The following LARP1B variants were observed in gnomAD, a reference collection of about 807,000 sequenced individuals.
The protein encoded by LARP1B is la-related protein 1B.
In LARP1B, 76 loss-of-function variants were observed where a neutral mutation model predicts 114.2. The ratio of observed to expected loss-of-function variants is 0.67; its 90% CI spans 0.55 to 0.81. LARP1B has a LOEUF of 0.81. LARP1B is among the 30% of genes least tolerant of loss of function. The probability of loss-of-function intolerance (pLI) is 0.00; values close to 1 mark genes in which losing one functional copy is unlikely to be tolerated. For missense variants in LARP1B, 1,014 were observed against 1,075.8 expected (o/e 0.94, Z 0.80); for synonymous variants, 345 against 348.0 (o/e 0.99, Z 0.10).
At chr4:128,090,103 C>T (rs572322352) in intron 5 of LARP1B, among the ~76,000 whole-genome samples, 25 of 134,496 alleles carry the variant, frequency 1.9e-4, no homozygotes, top group African/African-American at 6.2e-4. Flanking sequence ...GAGGGAATCT[C>T]GCTCTGTAGC....
In LARP1B at chr4:128,079,247, A is replaced by C. The variant is rs1769255780; in HGVS notation, c.217+1285A>C. ...GTAGCTGGGATTACAGGCCCATGCT[A>C]CCATGCCCAGCTAACTTTTTGTATT... On this transcript the variant is annotated intron_variant, in intron 4 of 19. Coordinates refer to ENST00000326639, the MANE Select transcript of LARP1B (RefSeq NM_018078.4). Among the ~76,000 whole-genome samples the C allele has an allele frequency of 5.3e-5, 8 of 151,830 alleles. No homozygotes were observed. The South Asian group carries it at 1.7e-3, about 32-fold the overall frequency.
In LARP1B at chr4:128,123,103, G is replaced by C. The variant is rs1008164139; in HGVS notation, c.1524+915G>C. The C allele has an allele frequency of 5.1e-6, 5 of 985,408 alleles. No individual in the cohort carries two copies. The African/African-American group carries it at 7.0e-5, about 14-fold the overall frequency. The allele number at this position is 985,408 out of a possible 1,614,324, so 61.0% of individuals were successfully genotyped here. A position where few individuals can be genotyped will look rare whatever the true frequency, so the allele number is the denominator to read the frequency against. ...GCTGAGTAGAGGGGACTGCCTGTCG[G>C]TGGGGCTTCATATCATCAACAAGAA... On this transcript the variant is annotated intron_variant, in intron 11 of 19. Coordinates refer to ENST00000326639, the MANE Select transcript of LARP1B (RefSeq NM_018078.4).
At chr4:128,153,508 T>G (rs535339515) in intron 11 of LARP1B, among the ~76,000 whole-genome samples, 2 of 150,846 alleles carry the variant, frequency 1.3e-5, no homozygotes, top group Non-Finnish European at 1.5e-5. Flanking sequence ...GTTTCACCAT[T>G]TTGGCCAGGC....
rs1449693758 is a variant in LARP1B, at chr4:128,211,231, G to C, written c.*1178G>C. ...TAAAAGACCATTTTTTTGTGTGAAT[G>C]AAGTTTCAATTATAAACTTACATTC... On this transcript the variant is annotated 3_prime_UTR_variant, in exon 20 of 20. Coordinates refer to ENST00000326639, the MANE Select transcript of LARP1B (RefSeq NM_018078.4). 4 of 945,696 alleles carry C rather than the reference G, an allele frequency of 4.2e-6. No homozygotes were observed. Among genetic ancestry groups the C allele is most frequent in the Non-Finnish European group, 5.0e-6 (4 of 793,924 alleles). The allele number at this position is 945,696 out of a possible 1,614,324, so 58.6% of individuals were successfully genotyped here.
intron 19 of LARP1B, among the ~76,000 whole-genome samples, chr4:128,209,188 G>T (rs1578796778): frequency 6.6e-6 from 1 of 152,194 alleles, no homozygotes; most frequent in Non-Finnish European, 1.5e-5. Flanking sequence ...GGAGGCCGAG[G>T]CGGGTGGATC....
intron 5 of LARP1B, among the ~76,000 whole-genome samples, chr4:128,085,353 C>CTTT (rs35260726): frequency 0.013 from 1,080 of 85,756 alleles, 38 homozygotes; most frequent in Non-Finnish European, 0.018. Context: ...CCTTAGCTTC[C>CTTT]TTTTTTTTTT....
intron 12 of LARP1B, among the ~76,000 whole-genome samples, chr4:128,176,210 T>TAAATATATAAA (rs1487453861): frequency 6.9e-6 from 1 of 143,900 alleles, no homozygotes; most frequent in African/African-American, 2.5e-5. Flanking sequence ...ATATTATATA[T>TAAATATATAAA]TTATATATAA....
chr4:128,116,313 G>C (rs566307232), intron 10 of LARP1B, among the ~76,000 whole-genome samples: 1 of 152,320 alleles, frequency 6.6e-6, no homozygotes, highest in South Asian at 2.1e-4. Context: ...TGTTTGGGAT[G>C]TTGTAGTATA....
chr4:128,107,972 C>G (rs1021746798), intron 9 of LARP1B: 10 of 1,531,556 alleles, frequency 6.5e-6, no homozygotes, highest in Non-Finnish European at 8.7e-6. Flanking sequence ...TTTATAAATA[C>G]TGGAACAAAT....
intron 11 of LARP1B, among the ~76,000 whole-genome samples, chr4:128,152,037 A>G (rs764045410): frequency 4.6e-5 from 7 of 152,110 alleles, no homozygotes; most frequent in Non-Finnish European, 8.8e-5. Context: ...GGTTATGATG[A>G]TATCTACCAG....
chr4:128,181,375 A>C (rs1294600943), intron 15 of LARP1B, among the ~76,000 whole-genome samples: 1 of 151,754 alleles, frequency 6.6e-6, no homozygotes, highest in African/African-American at 2.4e-5. Context: ...ATGGGGTTTC[A>C]CCAGGTTGGC....
chr4:128,079,501 G>A (rs1244243101), intron 4 of LARP1B, among the ~76,000 whole-genome samples: 2 of 152,076 alleles, frequency 1.3e-5, no homozygotes, highest in African/African-American at 4.8e-5. Flanking sequence ...GTGACAACAA[G>A]ACAAACAAGT....
At position 128,114,616 on chromosome 4, in the gene LARP1B, G is replaced by C; in HGVS notation, c.1035G>C (p.Lys345Asn). The C allele has an allele frequency of 6.2e-7, 1 of 1,613,766 alleles. No individual in the cohort carries two copies. Among genetic ancestry groups the C allele is most frequent in the Non-Finnish European group, 8.5e-7 (1 of 1,179,816 alleles). Residue 345 changes from lysine to asparagine, a missense_variant, in exon 10 of 20, where the codon AAG becomes AAC. Lys to Asn is a moderately conservative substitution (Grantham distance 94, BLOSUM62 0). Transcript: ENST00000326639. The part of the protein sequence containing the change: ...SPRIGSPLSP[K>N]KNSETSILQA... ...GAATTGGAAGCCCATTGAGCCCAAA[G>C]AAAAACAGTGAAACAAGTATTCTTC... is the stretch of plus-strand genomic sequence containing the variant.
At position 128,211,022 on chromosome 4, in the gene LARP1B, A is replaced by T; in HGVS notation, c.*969A>T. 1 of 910,232 alleles carries T rather than the reference A, an allele frequency of 1.1e-6. No individual in the cohort carries two copies. The highest frequency in any genetic ancestry group is 5.1e-5 in the South Asian group (1 of 19,666). The allele number at this position is 910,232 out of a possible 1,614,324, so 56.4% of individuals were successfully genotyped here. On this transcript the variant is annotated 3_prime_UTR_variant, in exon 20 of 20. Coordinates refer to ENST00000326639, the MANE Select transcript of LARP1B (RefSeq NM_018078.4). The stretch of plus-strand genomic sequence containing the variant: ...TTTTTGTTTAATTTTGTTTTTATAA[A>T]TGTTTTCAAGAGTTATAGCAAATTG...
chr4:128,219,308 T>G (rs1484821685), intron 6 of LARP1B, among the ~76,000 whole-genome samples: 39 of 108,642 alleles, frequency 3.6e-4, no homozygotes, highest in East Asian at 1.5e-3. Context: ...TATACCCAAA[T>G]GACTATAAAT....
chr4:128,124,263 T>C (rs1788894308), intron 11 of LARP1B, among the ~76,000 whole-genome samples: 1 of 152,028 alleles, frequency 6.6e-6, no homozygotes, highest in Non-Finnish European at 1.5e-5. Context: ...TTACAATAAA[T>C]ACTCTAAAAG....
intron 18 of LARP1B, among the ~76,000 whole-genome samples, chr4:128,207,038 G>C (rs138975414): frequency 6.6e-6 from 1 of 152,260 alleles, no homozygotes; most frequent in Non-Finnish European, 1.5e-5. Flanking sequence ...GTTCAAATTA[G>C]TTTGATGCAT....
chr4:128,151,914 T>C (rs1732975108), intron 11 of LARP1B, among the ~76,000 whole-genome samples: 1 of 152,106 alleles, frequency 6.6e-6, no homozygotes, highest in Admixed American at 6.5e-5. Flanking sequence ...AGGTTAAGTA[T>C]TTTTGACAAG....
At chr4:128,214,122 C>T (rs946223130), downstream of LARP1B, among the ~76,000 whole-genome samples, 4 of 143,276 alleles carry the variant, frequency 2.8e-5, no homozygotes, top group African/African-American at 7.6e-5. Context: ...CACCACGAGA[C>T]TATATCCCAC....
Sources: gnomAD v4.1 joint callset for allele counts (sites outside exome capture counted in the v4.1 genomes callset) on GRCh38, gnomAD v4.1.1 for gene constraint, MANE v1.5 for transcripts, NCBI Gene and HGNC (gene_info 2026-07-23, HGNC 2026-07-21) for gene names.